The following RIMS1 variants were observed in gnomAD, a reference collection of about 807,000 sequenced individuals.
The protein encoded by RIMS1 is regulating synaptic membrane exocytosis protein 1.
In RIMS1, 83 loss-of-function variants were observed where a neutral mutation model predicts 214.1. The ratio of observed to expected loss-of-function variants is 0.39; its 90% CI spans 0.32 to 0.47. The LOEUF is 0.47. Among genes scored for constraint, RIMS1 ranks in the 20% least tolerant of loss-of-function variants. The probability of loss-of-function intolerance (pLI) is 0.99; values close to 1 mark genes in which losing one functional copy is unlikely to be tolerated. For synonymous variants in RIMS1, 793 were observed against 786.8 expected (o/e 1.01, Z -0.13); for missense variants, 2,050 against 2,161.8 (o/e 0.95, Z 1.03).
intron 2 of RIMS1, among the ~76,000 whole-genome samples, chr6:72,005,675 T>C (rs1807236626): frequency 6.6e-6 from 1 of 152,216 alleles, no homozygotes; most frequent in Non-Finnish European, 1.5e-5. Flanking sequence ...CCTGTTGTGC[T>C]GGTAAAGAAG....
intron 2 of RIMS1, among the ~76,000 whole-genome samples, chr6:72,033,455 C>T (rs1818715990): frequency 6.6e-6 from 1 of 152,116 alleles, no homozygotes; most frequent in Non-Finnish European, 1.5e-5. Context: ...AAACAAATTT[C>T]AGTGGTCATC....
chr6:72,364,640 C>T (rs185323317), intron 29 of RIMS1, among the ~76,000 whole-genome samples: 3 of 152,208 alleles, frequency 2.0e-5, no homozygotes, highest in Admixed American at 6.5e-5. Context: ...GACCCTGAAA[C>T]AAAGATTTGA....
chr6:72,009,906 G>A (rs748582086), intron 2 of RIMS1, among the ~76,000 whole-genome samples: 1 of 152,090 alleles, frequency 6.6e-6, no homozygotes, highest in Non-Finnish European at 1.5e-5. Flanking sequence ...ACAAGGAAGA[G>A]CTGGTACCAT....
At chr6:72,372,717 C>T (rs1054184718) in intron 29 of RIMS1, among the ~76,000 whole-genome samples, 1 of 152,228 alleles carries the variant, frequency 6.6e-6, no homozygotes, top group African/African-American at 2.4e-5. Flanking sequence ...AAAGTGGTTT[C>T]TCTGGACTGT....
intron 2 of RIMS1, among the ~76,000 whole-genome samples, chr6:72,032,063 CAG>C (rs1818266436): frequency 2.0e-5 from 3 of 151,876 alleles, no homozygotes; most frequent in African/African-American, 7.3e-5. Context: ...GCATTTATAT[CAG>C]GGGAAAGGAA....
intron 1 of RIMS1, among the ~76,000 whole-genome samples, chr6:71,958,783 T>TCC (rs1792058698): frequency 6.6e-6 from 1 of 152,114 alleles, no homozygotes; most frequent in Non-Finnish European, 1.5e-5. Flanking sequence ...GAAGCAGATG[T>TCC]CTTAGAGCAT....
intron 6 of RIMS1, among the ~76,000 whole-genome samples, chr6:72,231,659 G>A (rs532222221): frequency 6.6e-6 from 1 of 151,588 alleles, no homozygotes; most frequent in East Asian, 1.9e-4. Context: ...TCTTCATTCA[G>A]CATCATTATT....
At chr6:72,295,325 G>A (rs549470807) in intron 26 of RIMS1, among the ~76,000 whole-genome samples, 2 of 151,318 alleles carry the variant, frequency 1.3e-5, no homozygotes, top group African/African-American at 4.8e-5. Flanking sequence ...TTTACTTTGG[G>A]GTATTTTAAT....
chr6:71,955,686 A>G (rs1791045747), intron 1 of RIMS1, among the ~76,000 whole-genome samples: 2 of 152,194 alleles, frequency 1.3e-5, no homozygotes. Flanking sequence ...TATTTAAGAT[A>G]TGTAATGCAA....
chr6:72,154,382 A>G (rs2044164762), intron 4 of RIMS1, among the ~76,000 whole-genome samples: 1 of 140,816 alleles, frequency 7.1e-6, no homozygotes, highest in Admixed American at 7.3e-5. Flanking sequence ...GATAAAAGAA[A>G]AGGAAAAAGA....
intron 17 of RIMS1, 70 bp from the exon 18 acceptor site, chr6:72,258,916 A>G (rs2076916136): frequency 1.4e-6 from 2 of 1,453,148 alleles, no homozygotes; most frequent in Non-Finnish European, 1.9e-6. Flanking sequence ...CAGTTCCTTC[A>G]CTTTAGTCTG....
intron 4 of RIMS1, among the ~76,000 whole-genome samples, chr6:72,164,283 G>A (rs112966764): frequency 0.12 from 18,583 of 152,024 alleles, 1,325 homozygotes; most frequent in South Asian, 0.18. Flanking sequence ...TCCAGGTGCC[G>A]TCTGTCACCC....
At position 72,123,088 on chromosome 6, in the gene RIMS1, C is replaced by G. The variant is rs113565570; in HGVS notation, c.471+23102C>G. Reference sequence around the variant, plus strand: ...TAGGGTGTCAATTGTAGATCTTTCCCGCTTTCTCTTGTGGGCATTTAGTGC... The same window carrying G: ...TAGGGTGTCAATTGTAGATCTTTCCGGCTTTCTCTTGTGGGCATTTAGTGC... On this transcript the variant is annotated intron_variant, in intron 4 of 33. Coordinates refer to ENST00000521978, the MANE Select transcript of RIMS1 (RefSeq NM_014989.7). Among the ~76,000 whole-genome samples, 6 of 151,328 alleles carry G rather than the reference C, an allele frequency of 4.0e-5. 1 individual carries two copies. Among genetic ancestry groups the G allele is most frequent in the East Asian group, 1.9e-4 (1 of 5,184 alleles).
At chr6:72,341,660 C>T (rs2097097752) in intron 29 of RIMS1, among the ~76,000 whole-genome samples, 1 of 151,716 alleles carries the variant, frequency 6.6e-6, no homozygotes, top group Non-Finnish European at 1.5e-5. Context: ...CTGAAATACA[C>T]ATGAACCAAG....
chr6:72,057,155 A>G (rs580950), intron 2 of RIMS1, among the ~76,000 whole-genome samples: 69,002 of 151,922 alleles, frequency 0.45, 16,217 homozygotes, highest in East Asian at 0.66. Flanking sequence ...TTGTACCCCA[A>G]ACTTAAAGTA....
chr6:72,258,811 C>T (rs879226423), intron 17 of RIMS1, among the ~76,000 whole-genome samples, 175 bp from the exon 18 acceptor site: 3 of 152,058 alleles, frequency 2.0e-5, no homozygotes, highest in Admixed American at 2.0e-4. Flanking sequence ...CAGCCACAGG[C>T]AAAAACTCAT....
chr6:72,144,657 A>G (rs973069062), intron 4 of RIMS1, among the ~76,000 whole-genome samples: 1 of 151,722 alleles, frequency 6.6e-6, no homozygotes, highest in Non-Finnish European at 1.5e-5. Context: ...AAGACACTCC[A>G]TTTACCCCCA....
chr6:72,257,709 G>A (rs926280097), intron 16 of RIMS1, among the ~76,000 whole-genome samples: 2 of 152,060 alleles, frequency 1.3e-5, no homozygotes, highest in South Asian at 2.1e-4. Flanking sequence ...AATAAAAATC[G>A]AAATGAAGAA....
chr6:72,187,967 T>A (rs1202410011), intron 6 of RIMS1, among the ~76,000 whole-genome samples: 6 of 152,076 alleles, frequency 3.9e-5, no homozygotes, highest in Non-Finnish European at 7.4e-5. Flanking sequence ...CCAGTCTGAG[T>A]CCCAAAGGTG....
Sources: gnomAD v4.1 joint callset for allele counts (sites outside exome capture counted in the v4.1 genomes callset) on GRCh38, gnomAD v4.1.1 for gene constraint, MANE v1.5 for transcripts, NCBI Gene and HGNC (gene_info 2026-07-23, HGNC 2026-07-21) for gene names.